CENPP: variants seen among roughly 807,000 people sequenced by gnomAD.
The protein encoded by CENPP is centromere protein P.
Under a neutral mutation model 35.6 loss-of-function variants are expected in CENPP, and 24 were observed. That is an observed-to-expected ratio of 0.67 (90% CI 0.49 to 0.95). CENPP has a LOEUF of 0.95. Ranked by LOEUF, CENPP falls within the 40% of genes least tolerant of loss-of-function variation. CENPP has a pLI of 0.00. For synonymous variants in CENPP, 120 were observed against 125.5 expected (o/e 0.96, Z 0.29); for missense variants, 332 against 345.3 (o/e 0.96, Z 0.31).
intron 5 of CENPP, among the ~76,000 whole-genome samples, chr9:92,570,530 TAAAATGCTC>T (rs1318367584): frequency 4.6e-5 from 7 of 152,210 alleles, no homozygotes; most frequent in African/African-American, 1.4e-4. Context: ...GATATTGGTC[TAAAATGCTC>T]TTTTTTTGTG....
intron 4 of CENPP, among the ~76,000 whole-genome samples, chr9:92,353,682 G>A (rs539720551): frequency 6.6e-6 from 1 of 152,270 alleles, no homozygotes; most frequent in Non-Finnish European, 1.5e-5. Context: ...TCTTTGTTGT[G>A]TCTCCTGGAG....
At chr9:92,603,570 CCCT>C in intron 5 of CENPP, among the ~76,000 whole-genome samples, 1 of 152,256 alleles carries the variant, frequency 6.6e-6, no homozygotes, top group East Asian at 1.9e-4. Context: ...GTTGCCCACT[CCCT>C]CCTCAGCGAT....
At chr9:92,475,125 A>C (rs1038389140) in intron 5 of CENPP, among the ~76,000 whole-genome samples, 1 of 152,190 alleles carries the variant, frequency 6.6e-6, no homozygotes, top group Non-Finnish European at 1.5e-5. Flanking sequence ...TCAGATAGTA[A>C]TTCTACTTTT....
At chr9:92,413,378 T>C (rs1411052328) in intron 5 of CENPP, among the ~76,000 whole-genome samples, 1 of 152,206 alleles carries the variant, frequency 6.6e-6, no homozygotes, top group Non-Finnish European at 1.5e-5. Context: ...AAGGCTCCAA[T>C]TTTTCCACAT....
intron 5 of CENPP, among the ~76,000 whole-genome samples, chr9:92,563,426 G>T (rs1448695898): frequency 6.6e-6 from 1 of 152,120 alleles, no homozygotes; most frequent in African/African-American, 2.4e-5. Context: ...TTTATTGAGT[G>T]CATCTTGAGT....
intron 5 of CENPP, among the ~76,000 whole-genome samples, chr9:92,581,978 CA>C (rs1163232224): frequency 6.6e-6 from 1 of 152,108 alleles, no homozygotes; most frequent in Non-Finnish European, 1.5e-5. Context: ...AACCCCTTAA[CA>C]AAAATAAGGT....
rs112989973 is a variant in CENPP, at chr9:92,552,099, A to G, written c.565-59215A>G. On this transcript the variant is annotated intron_variant, in intron 5 of 7. Coordinates refer to ENST00000375587, the MANE Select transcript of CENPP (RefSeq NM_001012267.3). The stretch of plus-strand genomic sequence containing the variant: ...ATCTATCATATATGTGATATGATAG[A>G]TCTATCATATATATGTGATATGATA... Among the ~76,000 whole-genome samples, 1,169 of 120,618 alleles carry G rather than the reference A, an allele frequency of 9.7e-3. 19 individuals are homozygous for G. Among genetic ancestry groups the G allele is most frequent in the Middle Eastern group, 0.018 (4 of 222 alleles). 79.1% of individuals were successfully genotyped at this position (120,618 alleles called of 152,430 possible). A position where few individuals can be genotyped will look rare whatever the true frequency, so the allele number is the denominator to read the frequency against.
intron 5 of CENPP, chr9:92,514,679 G>A (rs1563978986): frequency 1.2e-6 from 2 of 1,608,974 alleles, no homozygotes; most frequent in East Asian, 4.5e-5. Context: ...GGTGGTATCT[G>A]GGTAAGCATG....
At chr9:92,573,382 C>G (rs1196270924) in intron 5 of CENPP, among the ~76,000 whole-genome samples, 1 of 152,132 alleles carries the variant, frequency 6.6e-6, no homozygotes, top group Non-Finnish European at 1.5e-5. Context: ...CCCTTTTTGC[C>G]TGGGTATCAC....
intron 5 of CENPP, among the ~76,000 whole-genome samples, chr9:92,429,435 G>A (rs1844047574): frequency 1.3e-5 from 2 of 152,146 alleles, no homozygotes; most frequent in South Asian, 4.2e-4. Context: ...ACACAGAGAA[G>A]GTAAAGAACA....
At chr9:92,399,697 G>A (rs1333489283) in intron 5 of CENPP, among the ~76,000 whole-genome samples, 1 of 152,058 alleles carries the variant, frequency 6.6e-6, no homozygotes, top group African/African-American at 2.4e-5. Context: ...TGTAAGGTAT[G>A]GACCTAAATG....
chr9:92,500,597 T>G, intron 5 of CENPP: 3 of 857,828 alleles, frequency 3.5e-6, no homozygotes, highest in Non-Finnish European at 5.3e-6. Context: ...TTGCCAATCT[T>G]GTTTAATCCA....
At chr9:92,403,464 G>C (rs1843202948) in intron 5 of CENPP, 1 of 1,532,886 alleles carries the variant, frequency 6.5e-7, no homozygotes, top group Admixed American at 2.2e-5. Context: ...CTGACTGTGG[G>C]ACAAAACTCT....
intron 5 of CENPP, among the ~76,000 whole-genome samples, chr9:92,589,792 A>C (rs1236545402): frequency 6.6e-6 from 1 of 152,198 alleles, no homozygotes; most frequent in Non-Finnish European, 1.5e-5. Flanking sequence ...GATAGTTCAA[A>C]TTGTTGTTGA....
rs188325809 is a variant in CENPP at position 92,389,843 on chromosome 9, A to G, written c.564+9984A>G. 59 of 1,572,232 alleles carry G rather than the reference A, an allele frequency of 3.8e-5. No individual in the cohort carries two copies. In the East Asian group the frequency reaches 1.3e-3, roughly 34 times the overall value. ...CTCATACTATGCTTAGTTTTACTAT[A>G]AAATACTTACTTTGAATGCATTTGC... On this transcript the variant is annotated intron_variant, in intron 5 of 7. Coordinates refer to ENST00000375587, the MANE Select transcript of CENPP (RefSeq NM_001012267.3).
At chr9:92,352,505 G>GTGTGTGTGTGTATATATATATATA in intron 4 of CENPP, among the ~76,000 whole-genome samples, 6 of 49,780 alleles carry the variant, frequency 1.2e-4, no homozygotes, top group Non-Finnish European at 1.7e-4. Flanking sequence ...GTGTGTGTGT[G>GTGTGTGTGTGTATATATATATATA]TATACATATA....
chr9:92,593,177 G>A lies in CENPP; in HGVS notation c.565-18137G>A, dbSNP rs1342758390. Among the ~76,000 whole-genome samples the A allele has an allele frequency of 6.6e-6, 1 of 152,232 alleles. No individual in the cohort carries two copies. Among genetic ancestry groups the A allele is most frequent in the East Asian group, 1.9e-4 (1 of 5,194 alleles). On this transcript the variant is annotated intron_variant, in intron 5 of 7. Coordinates refer to ENST00000375587, the MANE Select transcript of CENPP (RefSeq NM_001012267.3). This position sits in a 1 kb window ranked among gnomAD's most constrained non-coding sequence, Gnocchi z 4.1. ...CCCCGGGGAGCCACACTGTGTGTAA[G>A]ATGCTGAGAGTGCTGTGATGAGGTG...
In CENPP at chr9:92,564,855, G is replaced by A. The variant is rs183680979; in HGVS notation, c.565-46459G>A. 2.0e-5 allele frequency among the ~76,000 whole-genome samples: 3 copies of A among 152,266 alleles called. No homozygotes were observed. The East Asian group carries it at 5.8e-4, about 29-fold the overall frequency. On this transcript the variant is annotated intron_variant, in intron 5 of 7. Coordinates refer to ENST00000375587, the MANE Select transcript of CENPP (RefSeq NM_001012267.3). ...TTGTTGATAGAAATGTGAATTGATA[G>A]ACTCTTTATGTAGGTCATTTTATCA...
At chr9:92,562,873 T>G (rs1250895055) in intron 5 of CENPP, among the ~76,000 whole-genome samples, 1 of 152,166 alleles carries the variant, frequency 6.6e-6, no homozygotes, top group Non-Finnish European at 1.5e-5. Context: ...TAAAGAGAAG[T>G]TCACTTGAGG....
Sources: gnomAD v4.1 joint callset for allele counts (sites outside exome capture counted in the v4.1 genomes callset) on GRCh38, gnomAD v4.1.1 for gene constraint, Gnocchi (gnomAD v3.1) non-coding constraint, MANE v1.5 for transcripts, NCBI Gene and HGNC (gene_info 2026-07-23, HGNC 2026-07-21) for gene names.